The following DYSF variants were observed in gnomAD, a reference collection of about 807,000 sequenced individuals.
DYSF encodes the protein dysferlin.
A neutral mutation model predicts 274.9 loss-of-function variants in DYSF; 212 were observed. The observed-to-expected ratio is 0.77, with a 90% CI of 0.69 to 0.86. DYSF has a LOEUF of 0.86. Among genes scored for constraint, DYSF ranks in the 40% least tolerant of loss-of-function variants. The pLI, the probability that DYSF is intolerant of heterozygous loss-of-function variation, is 0.00. For missense variants in DYSF, 2,666 were observed against 2,783.2 expected, an observed-to-expected ratio of 0.96 and a Z score of 0.95; for synonymous variants, 1,091 against 1,078.7, an observed-to-expected ratio of 1.01 and a Z score of -0.22.
At chr2:71,511,962 G>C (rs71416712) in intron 5 of DYSF, 41 bp downstream of exon 5, 2 of 1,252,708 alleles carry the variant, frequency 1.6e-6, no homozygotes, top group Non-Finnish European at 2.3e-6. Context: ...CCAGCAAGAA[G>C]GCCGGCAGTG....
intron 18 of DYSF, among the ~76,000 whole-genome samples, chr2:71,551,367 C>G (rs2090930817): frequency 6.6e-6 from 1 of 152,200 alleles, no homozygotes; most frequent in Non-Finnish European, 1.5e-5. Flanking sequence ...GCACCCAGGC[C>G]CCGTCTCTCT....
chr2:71,652,461 C>G (rs370582667), intron 42 of DYSF, among the ~76,000 whole-genome samples: 2 of 152,134 alleles, frequency 1.3e-5, no homozygotes, highest in East Asian at 1.9e-4. Context: ...AAGAAAGATT[C>G]ACATTCATAG....
At chr2:71,681,391 CCT>C (rs138664333) in intron 54 of DYSF, among the ~76,000 whole-genome samples, 1 of 152,300 alleles carries the variant, frequency 6.6e-6, no homozygotes, top group East Asian at 1.9e-4. Context: ...TGCTATGGAA[CCT>C]TCCCTGCAGG....
intron 1 of DYSF, among the ~76,000 whole-genome samples, chr2:71,471,337 G>T (rs2082020735): frequency 6.6e-6 from 1 of 152,138 alleles, no homozygotes. Flanking sequence ...ACTGGGGGCA[G>T]TTTTTTCCTC....
chr2:71,478,540 C>T (rs1312123914), intron 1 of DYSF, among the ~76,000 whole-genome samples: 2 of 152,152 alleles, frequency 1.3e-5, no homozygotes, highest in Non-Finnish European at 2.9e-5. Flanking sequence ...TTAAGAGTGA[C>T]ATCCTGTGAC....
In DYSF at chr2:71,667,362, T is replaced by C; in HGVS notation, c.5318-14T>C. On this transcript the variant is annotated splice_polypyrimidine_tract_variant and intron_variant, in intron 47 of 55. Transcript: ENST00000410020. ...CCCAGCTCCTGCAACTTTTTTGTCTTCTCTCTGGGGCAGAGGCTGGCAGGA... is the reference window on the plus strand; with the variant it reads ...CCCAGCTCCTGCAACTTTTTTGTCTCCTCTCTGGGGCAGAGGCTGGCAGGA... 1 of 1,614,022 alleles carries C rather than the reference T, an allele frequency of 6.2e-7. No homozygotes were observed. The highest frequency in any genetic ancestry group is 8.5e-7 in the Non-Finnish European group (1 of 1,180,028).
At position 71,572,336 on chromosome 2, in the gene DYSF, C is replaced by T. The variant is rs939751660; in HGVS notation, c.3228+1595C>T. On this transcript the variant is annotated intron_variant, in intron 29 of 55. Transcript: ENST00000410020. ...ACACAGAAATCACACCCAGCACACC[C>T]ACAGATCACACCCAGCACAGATCAC... Among the ~76,000 whole-genome samples, 8 of 151,334 alleles carry T rather than the reference C, an allele frequency of 5.3e-5. No homozygotes were observed. In the East Asian group the frequency reaches 1.2e-3, roughly 22 times the overall value.
At chr2:71,672,228 G>A (rs1165316566) in intron 51 of DYSF, among the ~76,000 whole-genome samples, 3 of 149,508 alleles carry the variant, frequency 2.0e-5, no homozygotes, top group African/African-American at 7.7e-5. Context: ...CAGAGCCAGA[G>A]GGTCCCTCTT....
intron 30 of DYSF, among the ~76,000 whole-genome samples, chr2:71,589,138 G>C (rs2093168997): frequency 6.6e-6 from 1 of 152,190 alleles, no homozygotes; most frequent in Admixed American, 6.5e-5. Flanking sequence ...TGGTGGGTGT[G>C]TGGTGCAGCT....
rs564541317 is a variant in DYSF, at chr2:71,484,287, A to G, written c.239+2317A>G. Reference sequence around the variant, plus strand: ...AGAGCAGTCTTGAACTCCTGACCTCAGGTGATCCTCCTGGCTCAGCCTCTC... The same window carrying G: ...AGAGCAGTCTTGAACTCCTGACCTCGGGTGATCCTCCTGGCTCAGCCTCTC... On this transcript the variant is annotated intron_variant, in intron 3 of 55. Transcript: ENST00000410020. Among the ~76,000 whole-genome samples, 13 of 152,218 alleles carry G rather than the reference A, an allele frequency of 8.5e-5. No homozygotes were observed. The East Asian group carries it at 1.4e-3, about 16-fold the overall frequency.
At chr2:71,505,527 C>A (rs1168976045) in intron 4 of DYSF, among the ~76,000 whole-genome samples, 1 of 152,222 alleles carries the variant, frequency 6.6e-6, no homozygotes, top group East Asian at 1.9e-4. Context: ...AGTCCTGCCG[C>A]AGGCTGACTG....
intron 3 of DYSF, among the ~76,000 whole-genome samples, chr2:71,496,148 C>T (rs1487911109): frequency 2.6e-5 from 4 of 152,006 alleles, no homozygotes; most frequent in Non-Finnish European, 4.4e-5. Flanking sequence ...TCATATGATA[C>T]TTTAACCCAT....
chr2:71,513,423 G>A, intron 6 of DYSF, 91 bp downstream of exon 6: 1 of 1,380,098 alleles, frequency 7.2e-7, no homozygotes, highest in Non-Finnish European at 1.0e-6. Context: ...GCGGGGCCAG[G>A]TGGCAGAGGA....
chr2:71,562,911 C>G (rs2091863536), intron 23 of DYSF, among the ~76,000 whole-genome samples: 1 of 152,162 alleles, frequency 6.6e-6, no homozygotes, highest in African/African-American at 2.4e-5. Flanking sequence ...CCAGACTGAC[C>G]CGTGAACTGT....
intron 30 of DYSF, among the ~76,000 whole-genome samples, chr2:71,579,582 C>T (rs971459995): frequency 2.0e-5 from 3 of 152,122 alleles, no homozygotes; most frequent in African/African-American, 4.8e-5. Context: ...CACTTTACCA[C>T]GTGCTAAAAA....
At chr2:71,469,973 C>T (rs1431394957) in intron 1 of DYSF, among the ~76,000 whole-genome samples, 3 of 152,170 alleles carry the variant, frequency 2.0e-5, no homozygotes, top group Admixed American at 6.5e-5. Context: ...CTACTACGTG[C>T]CTGGTGCTTT....
chr2:71,487,319 C>G (rs2083443021), intron 3 of DYSF, among the ~76,000 whole-genome samples: 1 of 152,152 alleles, frequency 6.6e-6, no homozygotes, highest in South Asian at 2.1e-4. Context: ...GTGTTTCCAA[C>G]CTGGCTGCAT....
rs377610023 is a variant in DYSF at position 71,513,973 on chromosome 2, G to A, written c.759+52G>A. ...AGGCTCCTCTTCAGCCATCAGCTGC[G>A]GGTGCCAGGCACCTGCCTGGTTTGT... On this transcript the variant is annotated intron_variant, in intron 7 of 55. Coordinates refer to ENST00000410020, the MANE Select transcript of DYSF (RefSeq NM_001130987.2). 2.8e-4 allele frequency: 448 copies of A among 1,603,890 alleles called. 2 individuals carry two copies. The highest frequency in any genetic ancestry group is 2.4e-3 in the African/African-American group (182 of 74,718).
chr2:71,566,853 G>A (rs967148906), intron 24 of DYSF, among the ~76,000 whole-genome samples: 3 of 152,200 alleles, frequency 2.0e-5, no homozygotes, highest in African/African-American at 7.2e-5. Context: ...GGAGGGAAGC[G>A]TGAGGTGGCC....
Sources: allele counts gnomAD v4.1 joint callset (sites outside exome capture counted in the v4.1 genomes callset), GRCh38; gene constraint gnomAD v4.1.1; transcripts MANE v1.5; gene names NCBI Gene and HGNC (gene_info 2026-07-23, HGNC 2026-07-21).